The following ADGRB3 variants were observed in gnomAD, a reference collection of about 807,000 sequenced individuals.
The protein encoded by ADGRB3 is adhesion G protein-coupled receptor B3.
Under a neutral mutation model 193.4 loss-of-function variants are expected in ADGRB3, and 37 were observed. That is an observed-to-expected ratio of 0.19 (90% confidence interval 0.15 to 0.25). The LOEUF is 0.25. Among genes scored for constraint, ADGRB3 ranks in the 10% least tolerant of loss-of-function variants. The probability of loss-of-function intolerance (pLI) is 1.00; values close to 1 mark genes in which losing one functional copy is unlikely to be tolerated. For synonymous variants in ADGRB3, 690 were observed against 644.2 expected, an observed-to-expected ratio of 1.07 and a Z score of -1.08; for missense variants, 1,637 against 1,852.9, an observed-to-expected ratio of 0.88 and a Z score of 2.14.
intron 3 of ADGRB3, among the ~76,000 whole-genome samples, chr6:68,717,436 A>G (rs1034853994): frequency 6.6e-6 from 1 of 151,714 alleles, no homozygotes; most frequent in African/African-American, 2.4e-5. Flanking sequence ...GGTGTCCAAA[A>G]TGAGGAAAAT....
In ADGRB3 at chr6:69,331,756, A is replaced by G. The variant is rs574051068; in HGVS notation, c.3103-1167A>G. The G allele has an allele frequency of 5.8e-5, 57 of 985,264 alleles. No homozygotes were observed. The African/African-American group carries it at 9.6e-4, about 17-fold the overall frequency. 61.0% of individuals were successfully genotyped at this position (985,264 alleles called of 1,614,324 possible). ...TAAAATGAAGAAACACAGTGTGTAT[A>G]TAATTGAAACACCAAAGTATGGTCT... On this transcript the variant is annotated intron_variant, in intron 23 of 31. Coordinates refer to ENST00000370598, the MANE Select transcript of ADGRB3 (RefSeq NM_001704.3).
chr6:69,076,122 G>C (rs1312505031), intron 17 of ADGRB3, 84 bp downstream of exon 17: 5 of 1,196,798 alleles, frequency 4.2e-6, no homozygotes, highest in Non-Finnish European at 6.1e-6. Flanking sequence ...CTAGTTAACA[G>C]GAATATAAGT....
intron 3 of ADGRB3, among the ~76,000 whole-genome samples, chr6:68,892,020 CAT>C (rs915319927): frequency 1.3e-5 from 2 of 152,156 alleles, no homozygotes; most frequent in Admixed American, 1.3e-4. Context: ...CCAGCAATCA[CAT>C]GTGACTATTG....
rs62416777 is a variant in ADGRB3 at position 69,050,042 on chromosome 6, C to T, written c.2333+696C>T. 3.5e-3 allele frequency among the ~76,000 whole-genome samples: 535 copies of T among 152,242 alleles called. 3 individuals are homozygous for T. The highest frequency in any genetic ancestry group is 6.8e-3 in the Middle Eastern group (2 of 294). On this transcript the variant is annotated intron_variant, in intron 15 of 31. Coordinates refer to ENST00000370598, the MANE Select transcript of ADGRB3 (RefSeq NM_001704.3). ...AGTGACCTGTTTCTCCACATCACCT[C>T]GTTTTGGAAGATAGAGATAAAGTTG...
chr6:69,082,622 C>T (rs1353445140), intron 17 of ADGRB3, among the ~76,000 whole-genome samples: 3 of 151,906 alleles, frequency 2.0e-5, no homozygotes, highest in African/African-American at 7.3e-5. Context: ...CATTTAATTA[C>T]TTTTGATCTG....
chr6:68,641,995 A>T (rs969567120), intron 3 of ADGRB3, among the ~76,000 whole-genome samples: 5 of 152,234 alleles, frequency 3.3e-5, no homozygotes, highest in Middle Eastern at 3.4e-3. Context: ...GTTATTTTAT[A>T]TGATAACATG....
At chr6:68,726,660 C>T (rs1219045395) in intron 3 of ADGRB3, among the ~76,000 whole-genome samples, 1 of 151,506 alleles carries the variant, frequency 6.6e-6, no homozygotes, top group African/African-American at 2.4e-5. Context: ...ATATTTATGA[C>T]AAGATTAAGA....
At chr6:69,085,900 G>T (rs1772535531) in intron 17 of ADGRB3, among the ~76,000 whole-genome samples, 1 of 151,604 alleles carries the variant, frequency 6.6e-6, no homozygotes, top group Non-Finnish European at 1.5e-5. Context: ...TTAAGGTTTG[G>T]TAATAAATAT....
At chr6:68,796,393 A>G (rs1028313834) in intron 3 of ADGRB3, among the ~76,000 whole-genome samples, 1 of 152,054 alleles carries the variant, frequency 6.6e-6, no homozygotes, top group African/African-American at 2.4e-5. Context: ...CAATTTCTCC[A>G]TTCTTTCTGA....
intron 13 of ADGRB3, among the ~76,000 whole-genome samples, chr6:69,020,311 A>T (rs1308894142): frequency 6.6e-6 from 1 of 152,070 alleles, no homozygotes; most frequent in Non-Finnish European, 1.5e-5. Flanking sequence ...CTTAAATTGG[A>T]TTTAAACTTA....
At chr6:68,911,416 A>AT (rs1477304489) in intron 3 of ADGRB3, among the ~76,000 whole-genome samples, 22 of 129,056 alleles carry the variant, frequency 1.7e-4, no homozygotes, top group African/African-American at 3.6e-4. Flanking sequence ...TTAAAGTATA[A>AT]TTTAAAAAAA....
chr6:68,638,987 G>A lies in ADGRB3; in HGVS notation c.312G>A (p.Lys104=). 6.2e-7 allele frequency: 1 copy of A among 1,613,692 alleles called. No homozygotes were observed. Among genetic ancestry groups the A allele is most frequent in the Non-Finnish European group, 8.5e-7 (1 of 1,179,908 alleles). The change falls in exon 3 of 32, where the codon AAG becomes AAA. Residue 104 remains lysine (K), a synonymous_variant. Transcript: ENST00000370598. ...AAAAAATAAAGGATCTTTTAAGAAAGAATCATTCTATAATGCAACTCTGCA... is the reference window on the plus strand; with the variant it reads ...AAAAAATAAAGGATCTTTTAAGAAAAAATCATTCTATAATGCAACTCTGCA... The part of the protein sequence containing the change: ...SHEKIKDLLR[K]NHSIMQLCNS...
At chr6:69,024,528 C>A (rs376541661) in intron 13 of ADGRB3, among the ~76,000 whole-genome samples, 2 of 152,008 alleles carry the variant, frequency 1.3e-5, no homozygotes. Context: ...CACAACTGTT[C>A]CTTAGGAATT....
At chr6:68,794,990 AT>A (rs1767179529) in intron 3 of ADGRB3, among the ~76,000 whole-genome samples, 1 of 152,108 alleles carries the variant, frequency 6.6e-6, no homozygotes, top group East Asian at 1.9e-4. Context: ...AAATACTATT[AT>A]TTTTAACCAT....
chr6:68,639,582 CTT>C (rs1768034997), intron 3 of ADGRB3, 150 bp downstream of exon 3: 3 of 1,173,036 alleles, frequency 2.6e-6, no homozygotes, highest in African/African-American at 3.1e-5. Context: ...ATAAAGGTCT[CTT>C]GAGCTAGTTT....
At chr6:69,239,257 T>G (rs753486174) in intron 20 of ADGRB3, 31 bp downstream of exon 20, 1 of 1,431,874 alleles carries the variant, frequency 7.0e-7, no homozygotes, top group South Asian at 1.2e-5. Flanking sequence ...GATTCTTTTT[T>G]TGTGTTTATA....
intron 17 of ADGRB3, among the ~76,000 whole-genome samples, chr6:69,079,098 A>G (rs1582444838): frequency 6.6e-6 from 1 of 152,204 alleles, no homozygotes. Context: ...TCCATTATAA[A>G]CAATTAATTT....
chr6:68,689,732 G>A (rs1334734916), intron 3 of ADGRB3, among the ~76,000 whole-genome samples: 5 of 151,760 alleles, frequency 3.3e-5, no homozygotes, highest in Non-Finnish European at 7.4e-5. Context: ...AAGCCGATAA[G>A]GAGCTGTTAA....
intron 3 of ADGRB3, among the ~76,000 whole-genome samples, chr6:68,797,986 A>C (rs899426111): frequency 2.0e-5 from 3 of 152,134 alleles, no homozygotes; most frequent in Non-Finnish European, 1.5e-5. Flanking sequence ...TCATGCTTTC[A>C]TTCCTCCAAC....
Sources: allele counts gnomAD v4.1 joint callset (sites outside exome capture counted in the v4.1 genomes callset), GRCh38; gene constraint gnomAD v4.1.1; transcripts MANE v1.5; gene names NCBI Gene and HGNC (gene_info 2026-07-23, HGNC 2026-07-21).